The following LRRC63 variants were observed in gnomAD, a reference collection of about 807,000 sequenced individuals.
LRRC63 encodes leucine rich repeat containing 63, also known as leucine-rich repeat-containing protein 63.
A neutral mutation model predicts 49.5 loss-of-function variants in LRRC63; 40 were observed. The ratio of observed to expected loss-of-function variants is 0.81; its 90% CI spans 0.63 to 1.05. LRRC63 has a LOEUF of 1.05. Among genes scored for constraint, LRRC63 ranks in the 50% least tolerant of loss-of-function variants. LRRC63 has a pLI of 0.00. For synonymous variants in LRRC63, 191 were observed against 221.1 expected, an observed-to-expected ratio of 0.86 and a Z score of 1.21; for missense variants, 636 against 663.1, an observed-to-expected ratio of 0.96 and a Z score of 0.45.
intron 8 of LRRC63, among the ~76,000 whole-genome samples, chr13:46,265,575 A>G (rs1268719264): frequency 1.3e-5 from 2 of 152,206 alleles, no homozygotes; most frequent in African/African-American, 2.4e-5. Flanking sequence ...TTATAAGGGC[A>G]CTAATCTCAC....
intron 2 of LRRC63, among the ~76,000 whole-genome samples, chr13:46,218,781 T>C (rs2138357490): frequency 1.3e-5 from 2 of 152,342 alleles, no homozygotes; most frequent in Admixed American, 1.3e-4. Context: ...TCAGGAGCTC[T>C]TGTAAGGCAG....
At chr13:46,220,845 TCTC>T (rs2046386755) in intron 2 of LRRC63, among the ~76,000 whole-genome samples, 1 of 152,042 alleles carries the variant, frequency 6.6e-6, no homozygotes, top group Admixed American at 6.6e-5. Context: ...CCTCAAGGCT[TCTC>T]CTGGCTAGGG....
At chr13:46,231,458 A>T (rs1437290722) in intron 4 of LRRC63, among the ~76,000 whole-genome samples, 1 of 152,034 alleles carries the variant, frequency 6.6e-6, no homozygotes, top group Non-Finnish European at 1.5e-5. Flanking sequence ...ATATCACACC[A>T]CTGCAAAAGC....
At chr13:46,250,308 A>G (rs1476700113) in intron 6 of LRRC63, 47 bp from the exon 7 acceptor site, 4 of 1,382,436 alleles carry the variant, frequency 2.9e-6, no homozygotes, top group South Asian at 2.9e-5. Context: ...AATGATTTGC[A>G]TACTTTATTA....
chr13:46,231,046 T>C (rs1249390727), intron 4 of LRRC63, among the ~76,000 whole-genome samples: 3 of 152,222 alleles, frequency 2.0e-5, no homozygotes, highest in African/African-American at 7.2e-5. Flanking sequence ...TTCATTTCAA[T>C]CTGAGACCTT....
chr13:46,215,785 A>G (rs1182876969), intron 2 of LRRC63, among the ~76,000 whole-genome samples: 2 of 152,060 alleles, frequency 1.3e-5, no homozygotes, highest in Admixed American at 1.3e-4. Flanking sequence ...TCTTGAGTTA[A>G]TTTTTGTATA....
intron 7 of LRRC63, among the ~76,000 whole-genome samples, chr13:46,259,253 C>T (rs910610625): frequency 1.6e-4 from 24 of 151,488 alleles, no homozygotes; most frequent in African/African-American, 5.8e-4. Context: ...CTTCAAAAAT[C>T]CAAATGTTTT....
intron 4 of LRRC63, 137 bp from the exon 5 acceptor site, chr13:46,234,055 G>C (rs1019035320): frequency 9.4e-6 from 7 of 741,822 alleles, no homozygotes; most frequent in African/African-American, 9.0e-5. Flanking sequence ...GAAGGCTATG[G>C]GGAATCCCTG....
intron 2 of LRRC63, among the ~76,000 whole-genome samples, chr13:46,223,633 A>G (rs1304439913): frequency 6.6e-6 from 1 of 152,040 alleles, no homozygotes; most frequent in Non-Finnish European, 1.5e-5. Flanking sequence ...AGGTGGGTGG[A>G]TCACAAGGTC....
chr13:46,252,040 A>G (rs1430876253), intron 7 of LRRC63, among the ~76,000 whole-genome samples: 1 of 151,998 alleles, frequency 6.6e-6, no homozygotes, highest in Non-Finnish European at 1.5e-5. Context: ...ATATGTATGC[A>G]TATCAGGGGA....
chr13:46,234,775 C>T (rs1301184753), intron 5 of LRRC63, among the ~76,000 whole-genome samples: 4 of 152,118 alleles, frequency 2.6e-5, no homozygotes, highest in South Asian at 2.1e-4. Context: ...AATTATGTAA[C>T]GTAAGTATTA....
chr13:46,249,152 A>G (rs1566498978), intron 6 of LRRC63, among the ~76,000 whole-genome samples: 1 of 151,842 alleles, frequency 6.6e-6, no homozygotes. Flanking sequence ...ACTCAGAGGG[A>G]AACTTATAGC....
At chr13:46,235,178 G>A (rs1180749299) in intron 5 of LRRC63, among the ~76,000 whole-genome samples, 1 of 152,120 alleles carries the variant, frequency 6.6e-6, no homozygotes, top group Non-Finnish European at 1.5e-5. Flanking sequence ...GCCTGGCTAA[G>A]CATTGAAGGA....
intron 5 of LRRC63, among the ~76,000 whole-genome samples, chr13:46,240,619 A>T (rs2047035077): frequency 6.6e-6 from 1 of 152,184 alleles, no homozygotes; most frequent in South Asian, 2.1e-4. Flanking sequence ...AAGCTGATAA[A>T]CAACTTCAGC....
chr13:46,239,478 A>C (rs557186836), intron 5 of LRRC63, among the ~76,000 whole-genome samples: 17 of 152,122 alleles, frequency 1.1e-4, no homozygotes, highest in Admixed American at 2.6e-4. Flanking sequence ...TGAGCTCCAA[A>C]ACTAAATCAG....
intron 7 of LRRC63, among the ~76,000 whole-genome samples, chr13:46,255,635 C>A (rs2047488349): frequency 9.5e-6 from 1 of 105,562 alleles, no homozygotes; most frequent in African/African-American, 6.0e-5. Flanking sequence ...CAGAGTAAGA[C>A]CCTGCCTCAA....
intron 4 of LRRC63, among the ~76,000 whole-genome samples, chr13:46,229,448 C>T (rs779597614): frequency 1.5e-4 from 23 of 152,174 alleles, no homozygotes; most frequent in Non-Finnish European, 3.1e-4. Context: ...AAGGGAAGCT[C>T]TGCCTTTACC....
At chr13:46,264,858 T>G (rs2047661575) in intron 8 of LRRC63, among the ~76,000 whole-genome samples, 1 of 152,138 alleles carries the variant, frequency 6.6e-6, no homozygotes, top group Admixed American at 6.5e-5. Flanking sequence ...CTATTCTAGC[T>G]TTAAGGATGG....
intron 7 of LRRC63, among the ~76,000 whole-genome samples, chr13:46,255,753 G>T (rs2047496606): frequency 6.6e-6 from 1 of 151,226 alleles, no homozygotes; most frequent in Non-Finnish European, 1.5e-5. Flanking sequence ...ACAATAAAAT[G>T]CACAAATCTT....
Sources: gnomAD v4.1 joint callset for allele counts (sites outside exome capture counted in the v4.1 genomes callset) on GRCh38, gnomAD v4.1.1 for gene constraint, MANE v1.5 for transcripts, NCBI Gene and HGNC (gene_info 2026-07-23, HGNC 2026-07-21) for gene names.